PCDHGB3: variants seen among roughly 807,000 people sequenced by gnomAD.
PCDHGB3 encodes protocadherin gamma-B3.
PCDHGB3 carries 40 observed loss-of-function variants against 59.2 expected under a neutral mutation model. The ratio of observed to expected loss-of-function variants is 0.68; its 90% CI spans 0.52 to 0.88. PCDHGB3 has a LOEUF of 0.88. PCDHGB3 is among the 40% of genes least tolerant of loss of function. PCDHGB3 has a pLI of 0.00. For synonymous variants in PCDHGB3, 581 were observed against 503.6 expected (o/e 1.15, Z -2.06); for missense variants, 1,309 against 1,187.9 (o/e 1.10, Z -1.50).
intron 1 of PCDHGB3, among the ~76,000 whole-genome samples, chr5:141,455,603 C>T (rs1433078116): frequency 3.3e-5 from 5 of 152,190 alleles, no homozygotes; most frequent in Admixed American, 2.6e-4. Context: ...CGTAGGGCGC[C>T]ATGGATGTTC....
chr5:141,405,120 A>G (rs1223444295), intron 1 of PCDHGB3: 2 of 1,613,938 alleles, frequency 1.2e-6, no homozygotes, highest in Non-Finnish European at 1.7e-6. Context: ...CACTCCTCGC[A>G]TCTGCTGCGG....
intron 1 of PCDHGB3, among the ~76,000 whole-genome samples, chr5:141,449,588 C>CAA (rs768743917): frequency 2.4e-4 from 14 of 57,430 alleles, no homozygotes; most frequent in Non-Finnish European, 3.7e-4. Flanking sequence ...GACTCTGTCT[C>CAA]AAAAAAAAAA....
At chr5:141,389,673 G>T (rs755380537) in intron 1 of PCDHGB3, 1 of 1,612,426 alleles carries the variant, frequency 6.2e-7, no homozygotes, top group South Asian at 1.1e-5. Context: ...CGCAGACTCA[G>T]GACACAACGC....
chr5:141,457,417 CTTTT>C (rs894846890), intron 1 of PCDHGB3, among the ~76,000 whole-genome samples: 4 of 152,180 alleles, frequency 2.6e-5, no homozygotes, highest in Admixed American at 2.6e-4. Context: ...TTACCCATCC[CTTTT>C]TCCCCCCCAC....
intron 1 of PCDHGB3, chr5:141,388,777 A>C: frequency 6.2e-7 from 1 of 1,613,964 alleles, no homozygotes; most frequent in South Asian, 1.1e-5. Flanking sequence ...AACACCGGGG[A>C]AATTACTGTT....
intron 1 of PCDHGB3, among the ~76,000 whole-genome samples, chr5:141,469,951 T>C (rs1467717372): frequency 6.6e-6 from 1 of 152,034 alleles, no homozygotes; most frequent in African/African-American, 2.4e-5. Flanking sequence ...GCCAGCATGG[T>C]GAAACCCCAT....
chr5:141,427,381 T>G (rs1315804574), intron 1 of PCDHGB3: 1 of 458,822 alleles, frequency 2.2e-6, no homozygotes, highest in Middle Eastern at 3.2e-4. Context: ...GTGATCACTC[T>G]GTTCAAAACA....
At chr5:141,385,182 G>C (rs374159387) in intron 1 of PCDHGB3, 1 of 1,614,138 alleles carries the variant, frequency 6.2e-7, no homozygotes, top group African/African-American at 1.3e-5. Context: ...CCCTCACCGC[G>C]GACTCTCGGA....
At chr5:141,427,509 G>T in intron 1 of PCDHGB3, 1 of 588,640 alleles carries the variant, frequency 1.7e-6, no homozygotes, top group Non-Finnish European at 3.2e-6. Flanking sequence ...TGGGACCCTG[G>T]ATTGGGAGCG....
At chr5:141,389,169 C>T in intron 1 of PCDHGB3, 2 of 1,614,028 alleles carry the variant, frequency 1.2e-6, no homozygotes, top group Non-Finnish European at 1.7e-6. Context: ...GGGCAAGCCT[C>T]CCCTCTCCTC....
rs1561857042 is a variant in PCDHGB3, at chr5:141,432,038, C to CG, written c.2415+59233dup. 3 of 1,614,190 alleles carry CG rather than the reference C, an allele frequency of 1.9e-6. No individual in the cohort carries two copies. The highest frequency in any genetic ancestry group is 2.5e-6 in the Non-Finnish European group (3 of 1,180,032). Reference sequence around the variant, plus strand: ...CAACATCACAGTGACCGCCACTGACCGGGGAACCCCGCCCCTATCCACGGA... The same window carrying CG: ...CAACATCACAGTGACCGCCACTGACCGGGGGAACCCCGCCCCTATCCACGGA... On this transcript the variant is annotated intron_variant, in intron 1 of 3. Transcript: ENST00000576222. The surrounding 1 kb of genome is among the most constrained non-coding windows in gnomAD (Gnocchi z 6.0).
Position 141,431,241 on chromosome 5 carries a change from A to T in PCDHGB3, c.2415+58432A>T. On this transcript the variant is annotated intron_variant, in intron 1 of 3. Coordinates refer to ENST00000576222, the MANE Select transcript of PCDHGB3 (RefSeq NM_018924.5). This position sits in a 1 kb window ranked among gnomAD's most constrained non-coding sequence, Gnocchi z 4.8. ...CCTCTACCCCACGCCTGGGATCCGG[A>T]TATCGGGAAGAACTCTCTGCAGAGC... The T allele has an allele frequency of 6.2e-7, 1 of 1,614,138 alleles. No individual in the cohort carries two copies. The highest frequency in any genetic ancestry group is 8.5e-7 in the Non-Finnish European group (1 of 1,180,046).
intron 1 of PCDHGB3, chr5:141,394,067 C>T (rs773390718): frequency 1.9e-6 from 3 of 1,613,794 alleles, no homozygotes; most frequent in Admixed American, 3.3e-5. Flanking sequence ...TCTCTATCTA[C>T]AATATCACAG....
At chr5:141,492,265 G>C (rs1363279754) in intron 1 of PCDHGB3, among the ~76,000 whole-genome samples, 1 of 152,180 alleles carries the variant, frequency 6.6e-6, no homozygotes, top group Non-Finnish European at 1.5e-5. Flanking sequence ...CAAGTTGCAC[G>C]GGCTCGCCAC....
chr5:141,374,735 G>A (rs760557076), intron 1 of PCDHGB3: 1 of 1,610,874 alleles, frequency 6.2e-7, no homozygotes. Flanking sequence ...CATGGATGGC[G>A]GCGACCCTGT....
intron 1 of PCDHGB3, chr5:141,405,358 A>G (rs567878422): frequency 6.2e-7 from 1 of 1,613,900 alleles, no homozygotes; most frequent in East Asian, 2.2e-5. Context: ...TTCCTATAGA[A>G]GACACCCCTT....
intron 3 of PCDHGB3, among the ~76,000 whole-genome samples, chr5:141,509,004 G>A (rs2099873761): frequency 6.6e-6 from 1 of 152,072 alleles, no homozygotes; most frequent in South Asian, 2.1e-4. Context: ...AGGAGAGGAG[G>A]AAGTGGGCAG....
chr5:141,383,152 G>A lies in PCDHGB3; in HGVS notation c.2415+10343G>A, dbSNP rs200500982. 5.1e-5 allele frequency: 83 copies of A among 1,614,124 alleles called. No individual in the cohort carries two copies. The African/African-American group carries it at 8.8e-4, about 17-fold the overall frequency. Reference sequence around the variant, plus strand: ...CCTGAACCAGCGCAGCGGCAGCTTGGTCACTGCGGGCAGGATAGACCGGGA... The same window carrying A: ...CCTGAACCAGCGCAGCGGCAGCTTGATCACTGCGGGCAGGATAGACCGGGA... On this transcript the variant is annotated intron_variant, in intron 1 of 3. Coordinates refer to ENST00000576222, the MANE Select transcript of PCDHGB3 (RefSeq NM_018924.5).
At chr5:141,375,787 C>T (rs759753735) in intron 1 of PCDHGB3, 1 of 1,614,256 alleles carries the variant, frequency 6.2e-7, no homozygotes, top group South Asian at 1.1e-5. Flanking sequence ...CCGCCCTCCC[C>T]ACAGACGGTT....
Sources: allele counts gnomAD v4.1 joint callset (sites outside exome capture counted in the v4.1 genomes callset), GRCh38; gene constraint gnomAD v4.1.1; non-coding constraint Gnocchi (gnomAD v3.1); transcripts MANE v1.5; gene names NCBI Gene and HGNC (gene_info 2026-07-23, HGNC 2026-07-21).